Variants in DPYD observed in about 807,000 individuals in gnomAD.
The protein encoded by DPYD is dihydropyrimidine dehydrogenase [NADP(+)].
DPYD carries 109 observed loss-of-function variants against 116.2 expected under a neutral mutation model. That is an observed-to-expected ratio of 0.94 (90% CI 0.80 to 1.10). The LOEUF (loss-of-function observed/expected upper bound fraction) is 1.10. Among genes scored for constraint, DPYD ranks in the 50% least tolerant of loss-of-function variants. The pLI is 0.00. For missense variants in DPYD, 1,302 were observed against 1,254.5 expected (o/e 1.04, Z -0.57); for synonymous variants, 440 against 432.0 (o/e 1.02, Z -0.23).
At chr1:97,189,023 T>C (rs1467460553) in intron 20 of DPYD, among the ~76,000 whole-genome samples, 1 of 152,210 alleles carries the variant, frequency 6.6e-6, no homozygotes, top group African/African-American at 2.4e-5. Context: ...GTAAGTCAAG[T>C]GATTACTAAT....
At chr1:97,406,539 C>G (rs1481046563) in intron 14 of DPYD, among the ~76,000 whole-genome samples, 1 of 151,710 alleles carries the variant, frequency 6.6e-6, no homozygotes, top group Non-Finnish European at 1.5e-5. Context: ...TCTCCTAATG[C>G]TATCCCTCCC....
intron 2 of DPYD, among the ~76,000 whole-genome samples, chr1:97,881,626 C>T (rs2101638401): frequency 6.6e-6 from 1 of 152,002 alleles, no homozygotes; most frequent in East Asian, 1.9e-4. Flanking sequence ...TTATGAGATA[C>T]AAATGCTAAT....
intron 8 of DPYD, among the ~76,000 whole-genome samples, chr1:97,631,663 G>T (rs946361340): frequency 2.6e-5 from 4 of 151,876 alleles, no homozygotes; most frequent in African/African-American, 9.7e-5. Flanking sequence ...CTTTACTCAG[G>T]AAAAGACACA....
chr1:97,092,885 A>G (rs760144868), intron 21 of DPYD, among the ~76,000 whole-genome samples: 20 of 152,254 alleles, frequency 1.3e-4, no homozygotes, highest in Middle Eastern at 3.4e-3. Flanking sequence ...TATAATGAGA[A>G]TCACTGACTC....
chr1:97,751,384 ATATG>A (rs1664871266), intron 3 of DPYD, among the ~76,000 whole-genome samples: 1 of 143,928 alleles, frequency 6.9e-6, no homozygotes, highest in Admixed American at 7.1e-5. Flanking sequence ...ATATATACAT[ATATG>A]TGTGTATATA....
rs184527424 is a variant in DPYD at position 97,762,406 on chromosome 1, C to T, written c.234-21927G>A. ...CAGAGGATGCTGTAGAAACTCAATT[C>T]TGGTGTCAGTATAAGGAATGAGTAG... On this transcript the variant is annotated intron_variant, in intron 3 of 22. Coordinates refer to ENST00000370192, the MANE Select transcript of DPYD (RefSeq NM_000110.4). Among the ~76,000 whole-genome samples, 18 of 152,186 alleles carry T rather than the reference C, an allele frequency of 1.2e-4. No homozygotes were observed. The East Asian group carries it at 2.7e-3, about 23-fold the overall frequency.
At chr1:97,546,744 G>T in intron 12 of DPYD, 6 of 1,613,138 alleles carry the variant, frequency 3.7e-6, no homozygotes, top group Non-Finnish European at 5.1e-6. Context: ...CACCAGGCAA[G>T]CCTGGAAATT....
chr1:97,324,756 A>G (rs1275189047), intron 16 of DPYD, among the ~76,000 whole-genome samples: 1 of 152,090 alleles, frequency 6.6e-6, no homozygotes, highest in Non-Finnish European at 1.5e-5. Flanking sequence ...CATATAATTC[A>G]GGAGACCCTT....
At chr1:97,829,743 T>C (rs1669432350) in intron 2 of DPYD, among the ~76,000 whole-genome samples, 1 of 151,976 alleles carries the variant, frequency 6.6e-6, no homozygotes. Context: ...TACTGCAATC[T>C]TTTTTTTATT....
intron 20 of DPYD, among the ~76,000 whole-genome samples, chr1:97,118,398 T>C (rs901546679): frequency 4.1e-5 from 6 of 147,704 alleles, no homozygotes; most frequent in African/African-American, 1.5e-4. Flanking sequence ...CTTTTTAACA[T>C]TTTTTTTTCT....
At chr1:97,401,864 C>T (rs1451307913) in intron 14 of DPYD, among the ~76,000 whole-genome samples, 1 of 152,132 alleles carries the variant, frequency 6.6e-6, no homozygotes, top group Non-Finnish European at 1.5e-5. Flanking sequence ...GTTGTTCCAG[C>T]ACCATTTGGT....
chr1:97,828,564 C>A (rs745333573), intron 2 of DPYD, among the ~76,000 whole-genome samples: 1 of 151,932 alleles, frequency 6.6e-6, no homozygotes, highest in South Asian at 2.1e-4. Flanking sequence ...AATTTAAACT[C>A]AAAAGAGAAA....
intron 8 of DPYD, among the ~76,000 whole-genome samples, chr1:97,639,826 T>A (rs77595502): frequency 2.6e-5 from 4 of 152,174 alleles, no homozygotes; most frequent in African/African-American, 4.8e-5. Context: ...CCAATTTTTT[T>A]AAAATACATG....
chr1:97,628,367 T>C (rs770102100), intron 8 of DPYD, among the ~76,000 whole-genome samples: 1 of 152,114 alleles, frequency 6.6e-6, no homozygotes, highest in Non-Finnish European at 1.5e-5. Flanking sequence ...CCACTCAGTA[T>C]ACACAGTGAT....
At chr1:97,087,581 A>C (rs1008131427) in intron 21 of DPYD, among the ~76,000 whole-genome samples, 1 of 152,154 alleles carries the variant, frequency 6.6e-6, no homozygotes, top group East Asian at 1.9e-4. Context: ...TTAGTGAGAG[A>C]GTCAGATGAG....
intron 16 of DPYD, among the ~76,000 whole-genome samples, chr1:97,353,281 T>C (rs1253959009): frequency 1.3e-5 from 2 of 152,156 alleles, no homozygotes; most frequent in African/African-American, 2.4e-5. Context: ...CCTCACTGCC[T>C]GGATGGCTTA....
chr1:97,738,158 A>G (rs1396218785), intron 4 of DPYD, among the ~76,000 whole-genome samples: 1 of 152,202 alleles, frequency 6.6e-6, no homozygotes, highest in African/African-American at 2.4e-5. Context: ...TTATTTCACT[A>G]TATTTATAGA....
chr1:97,515,871 T>C lies in DPYD; in HGVS notation c.1595A>G (p.Asp532Gly). The change falls in exon 13 of 23, where the codon GAC (aspartate) becomes GGC (glycine). Residue 532 changes from aspartate (D) to glycine (G), a missense_variant. Physicochemically the swap from Asp to Gly is moderately conservative, Grantham distance 94. Coordinates refer to ENST00000370192, the MANE Select transcript of DPYD (RefSeq NM_000110.4). ...PLFYTPIDLV[D>G]ISVEMAGLKF... The stretch of plus-strand genomic sequence containing the variant: ...CAATCCGGCCATTTCTACACTAATG[T>C]CCACCAGATCAATAGGAGTGTAAAA... The C allele has an allele frequency of 6.2e-7, 1 of 1,612,924 alleles. No individual in the cohort carries two copies. Among genetic ancestry groups the C allele is most frequent in the Non-Finnish European group, 8.5e-7 (1 of 1,179,240 alleles).
At chr1:97,841,494 T>G (rs940186076) in intron 2 of DPYD, among the ~76,000 whole-genome samples, 1 of 152,046 alleles carries the variant, frequency 6.6e-6, no homozygotes. Context: ...CTAGTGATTA[T>G]GTTGATGTAT....
Sources: allele counts gnomAD v4.1 joint callset (sites outside exome capture counted in the v4.1 genomes callset), GRCh38; gene constraint gnomAD v4.1.1; transcripts MANE v1.5; gene names NCBI Gene and HGNC (gene_info 2026-07-23, HGNC 2026-07-21).